The following KRIT1 variants were observed in gnomAD, a reference collection of about 807,000 sequenced individuals.
KRIT1 encodes KRIT1 ankyrin repeat containing, also known as krev interaction trapped protein 1.
Under a neutral mutation model 95.8 loss-of-function variants are expected in KRIT1, and 45 were observed. The ratio of observed to expected loss-of-function variants is 0.47; its 90% CI spans 0.37 to 0.60. The LOEUF is 0.60. KRIT1 is among the 20% of genes least tolerant of loss of function. KRIT1 has a pLI of 0.00. For missense variants in KRIT1, 788 were observed against 877.5 expected, an observed-to-expected ratio of 0.90 and a Z score of 1.29; for synonymous variants, 282 against 278.8, an observed-to-expected ratio of 1.01 and a Z score of -0.11.
At chr7:92,213,493 A>G (rs1292229499) in intron 16 of KRIT1, 92 bp from the exon 17 acceptor site, 12 of 805,518 alleles carry the variant, frequency 1.5e-5, no homozygotes, top group Non-Finnish European at 2.5e-5. Flanking sequence ...GCAGTTTCTA[A>G]AATCAAGATT....
chr7:92,215,260 C>T (rs948872509), intron 14 of KRIT1, among the ~76,000 whole-genome samples: 1 of 151,902 alleles, frequency 6.6e-6, no homozygotes, highest in African/African-American at 2.4e-5. Context: ...TAATTTTTAG[C>T]AAAATTTTAC....
chr7:92,223,483 T>C (rs1386146320), intron 12 of KRIT1, among the ~76,000 whole-genome samples: 1 of 151,940 alleles, frequency 6.6e-6, no homozygotes, highest in East Asian at 1.9e-4. Flanking sequence ...ATTACTTGTA[T>C]TTTCTAAAAT....
At chr7:92,220,650 T>G (rs1220157865) in intron 14 of KRIT1, among the ~76,000 whole-genome samples, 1 of 151,958 alleles carries the variant, frequency 6.6e-6, no homozygotes, top group African/African-American at 2.4e-5. Flanking sequence ...CATGCCTAAT[T>G]TAAGCTGTTA....
At chr7:92,233,547 C>T (rs1255386281) in intron 10 of KRIT1, among the ~76,000 whole-genome samples, 3 of 151,852 alleles carry the variant, frequency 2.0e-5, no homozygotes, top group African/African-American at 7.3e-5. Context: ...GCTGGGATTA[C>T]AGGCGTGCAC....
chr7:92,237,315 T>C (rs548636881), intron 6 of KRIT1, among the ~76,000 whole-genome samples: 1 of 152,296 alleles, frequency 6.6e-6, no homozygotes, highest in Non-Finnish European at 1.5e-5. Flanking sequence ...CTGATCATAA[T>C]CTGTTAATTT....
chr7:92,222,321 T>G (rs562288860), intron 13 of KRIT1, among the ~76,000 whole-genome samples: 1 of 152,162 alleles, frequency 6.6e-6, no homozygotes, highest in Non-Finnish European at 1.5e-5. Flanking sequence ...TATTTAATTA[T>G]GACATAAGTA....
chr7:92,235,744 TACC>T, intron 7 of KRIT1, 98 bp from the exon 8 acceptor site: 1 of 1,078,254 alleles, frequency 9.3e-7, no homozygotes, highest in Non-Finnish European at 1.4e-6. Flanking sequence ...TTGTGAATAT[TACC>T]TTCAGATTTT....
intron 10 of KRIT1, 24 bp downstream of exon 10, chr7:92,234,422 AAAG>A: frequency 6.6e-7 from 1 of 1,522,206 alleles, no homozygotes; most frequent in Non-Finnish European, 9.1e-7. Flanking sequence ...TTCTTTCTAA[AAAG>A]AAAAGAATAA....
At position 92,241,057 on chromosome 7, in the gene KRIT1, T is replaced by C. The variant is rs1799518159; in HGVS notation, c.198A>G (p.Gln66=). Residue 66 remains glutamine, a synonymous_variant, in exon 5 of 19, where the codon CAA becomes CAG. Coordinates refer to ENST00000394505, the MANE Select transcript of KRIT1 (RefSeq NM_194454.3). ...TTTCTACTACGTAATCCAATATGCC[T>C]TGTGTTATTTCACTGTTGCCTTGAA... The part of the protein sequence containing the change: ...TKLQGNSEIT[Q]GILDYVVETT... 1.2e-6 allele frequency: 2 copies of C among 1,611,740 alleles called. No individual in the cohort carries two copies. The highest frequency in any genetic ancestry group is 1.7e-6 in the Non-Finnish European group (2 of 1,177,942).
chr7:92,235,682 C>T (rs773365307), intron 7 of KRIT1, 36 bp from the exon 8 acceptor site: 13 of 1,608,160 alleles, frequency 8.1e-6, no homozygotes, highest in African/African-American at 4.0e-5. Flanking sequence ...AGTAGCCATT[C>T]GAAAGTGAAG....
intron 14 of KRIT1, among the ~76,000 whole-genome samples, chr7:92,220,613 G>A (rs995991905): frequency 2.7e-5 from 4 of 150,264 alleles, no homozygotes; most frequent in Non-Finnish European, 4.4e-5. Flanking sequence ...GTAAGACTGT[G>A]AAACAATTTC....
chr7:92,208,775 A>G (rs938559378), intron 17 of KRIT1, among the ~76,000 whole-genome samples: 5 of 152,194 alleles, frequency 3.3e-5, no homozygotes, highest in African/African-American at 1.2e-4. Flanking sequence ...TACCAAACCT[A>G]TAATGAAGAA....
chr7:92,223,888 T>A (rs925754292), intron 12 of KRIT1, among the ~76,000 whole-genome samples: 1 of 152,196 alleles, frequency 6.6e-6, no homozygotes, highest in African/African-American at 2.4e-5. Flanking sequence ...CCAGGCCAGT[T>A]CACTTTGGAT....
Position 92,200,912 on chromosome 7 carries a change from C to CAGGAGACAGCTTGTTAAGAGAGAGTAT in KRIT1, c.2143-135_2143-109dup, listed in dbSNP as rs1395981890. ...TCTATTTGAAAGGGAACTTTCTTAT[C>CAGGAGACAGCTTGTTAAGAGAGAGTAT]AGGAGACAGCTTGTTAAGAGAGAGT... On this transcript the variant is annotated intron_variant, in intron 18 of 18. Coordinates refer to ENST00000394505, the MANE Select transcript of KRIT1 (RefSeq NM_194454.3). 6 of 770,920 alleles carry CAGGAGACAGCTTGTTAAGAGAGAGTAT rather than the reference C, an allele frequency of 7.8e-6. No homozygotes were observed. In the African/African-American group the frequency reaches 1.0e-4, roughly 13 times the overall value. 47.8% of individuals were successfully genotyped at this position (770,920 alleles called of 1,614,324 possible). A position where few individuals can be genotyped will look rare whatever the true frequency, so the allele number is the denominator to read the frequency against.
At chr7:92,215,393 G>C (rs1305246166) in intron 14 of KRIT1, among the ~76,000 whole-genome samples, 2 of 152,136 alleles carry the variant, frequency 1.3e-5, no homozygotes, top group Non-Finnish European at 2.9e-5. Flanking sequence ...TTTTTAAAAA[G>C]CCTGTTGTAA....
chr7:92,224,637 C>T (rs982661524), intron 12 of KRIT1, among the ~76,000 whole-genome samples: 1 of 151,960 alleles, frequency 6.6e-6, no homozygotes, highest in African/African-American at 2.4e-5. Context: ...CCAGCATTTT[C>T]GATTTATGAG....
At chr7:92,219,840 T>C (rs1415611488) in intron 14 of KRIT1, among the ~76,000 whole-genome samples, 1 of 152,266 alleles carries the variant, frequency 6.6e-6, no homozygotes, top group Non-Finnish European at 1.5e-5. Context: ...GTACAAGTCT[T>C]GAACTTCTTC....
intron 11 of KRIT1, 135 bp from the exon 12 acceptor site, chr7:92,225,962 T>C: frequency 1.6e-6 from 1 of 635,480 alleles, no homozygotes. Context: ...TAACCACACT[T>C]GGTATGTATT....
chr7:92,241,298 T>C (rs1318393420), intron 4 of KRIT1, 146 bp from the exon 5 acceptor site: 2 of 670,554 alleles, frequency 3.0e-6, no homozygotes, highest in African/African-American at 3.6e-5. Flanking sequence ...CCCAGCCCCA[T>C]CCCACACAGA....
Sources: allele counts gnomAD v4.1 joint callset (sites outside exome capture counted in the v4.1 genomes callset), GRCh38; gene constraint gnomAD v4.1.1; transcripts MANE v1.5; gene names NCBI Gene and HGNC (gene_info 2026-07-23, HGNC 2026-07-21).